The following ANKS1B variants were observed in gnomAD, a reference collection of about 807,000 sequenced individuals.
ANKS1B encodes the protein ankyrin repeat and sterile alpha motif domain containing 1B, also known as ankyrin repeat and sterile alpha motif domain-containing protein 1B.
Under a neutral mutation model 148.3 loss-of-function variants are expected in ANKS1B, and 36 were observed. The ratio of observed to expected loss-of-function variants is 0.24; its 90% CI spans 0.19 to 0.32. The LOEUF (loss-of-function observed/expected upper bound fraction) is 0.32, where lower values mean the gene tolerates loss of function less well. Ranked by LOEUF, ANKS1B falls within the 10% of genes least tolerant of loss-of-function variation. The pLI is 1.00. For missense variants in ANKS1B, 1,157 were observed against 1,542.6 expected, an observed-to-expected ratio of 0.75 and a Z score of 4.19; for synonymous variants, 542 against 560.8, an observed-to-expected ratio of 0.97 and a Z score of 0.47.
intron 17 of ANKS1B, among the ~76,000 whole-genome samples, chr12:99,015,503 C>G (rs1404871649): frequency 6.6e-6 from 1 of 152,078 alleles, no homozygotes; most frequent in Non-Finnish European, 1.5e-5. Flanking sequence ...ACTTGTACCC[C>G]TGAGTGTAAA....
At chr12:99,715,513 G>A (rs532749636) in intron 8 of ANKS1B, among the ~76,000 whole-genome samples, 19 of 152,124 alleles carry the variant, frequency 1.2e-4, no homozygotes, top group Non-Finnish European at 2.5e-4. Flanking sequence ...GACTCAGCCC[G>A]CCTGCACCCA....
chr12:98,808,144 T>C (rs2099065361), intron 19 of ANKS1B, among the ~76,000 whole-genome samples: 1 of 152,234 alleles, frequency 6.6e-6, no homozygotes, highest in South Asian at 2.1e-4. Flanking sequence ...TATGCATTTA[T>C]GCAAGGAAAA....
chr12:98,867,179 C>T (rs191310006), intron 17 of ANKS1B, among the ~76,000 whole-genome samples: 48 of 152,242 alleles, frequency 3.2e-4, no homozygotes, highest in Admixed American at 3.1e-3. Context: ...TTGTGCTGCT[C>T]CAGTGACTAT....
At chr12:99,372,286 AAG>A (rs1251072282) in intron 12 of ANKS1B, among the ~76,000 whole-genome samples, 1 of 152,022 alleles carries the variant, frequency 6.6e-6, no homozygotes, top group African/African-American at 2.4e-5. Context: ...TGAACCTAAA[AAG>A]AAAAAATATG....
At chr12:99,318,081 G>T (rs148560495) in intron 12 of ANKS1B, among the ~76,000 whole-genome samples, 397 of 152,168 alleles carry the variant, frequency 2.6e-3, no homozygotes, top group African/African-American at 9.1e-3. Context: ...ATTTTATTGA[G>T]GATTTTTACA....
rs538653379 is a variant in ANKS1B at position 99,901,208 on chromosome 12, G to GGAAT, written c.135-75823_135-75820dup. Among the ~76,000 whole-genome samples the GGAAT allele has an allele frequency of 1.1e-4, 16 of 152,160 alleles. No individual in the cohort carries two copies. The East Asian group carries it at 2.5e-3, about 24-fold the overall frequency. The stretch of plus-strand genomic sequence containing the variant: ...TACTATATAAACTAGACACAGTTTT[G>GGAAT]GAATGAATGAATGAAGACTCATTTA... On this transcript the variant is annotated intron_variant, in intron 1 of 26. Transcript: ENST00000683438.
intron 13 of ANKS1B, among the ~76,000 whole-genome samples, chr12:99,245,167 T>C (rs2090050027): frequency 1.3e-5 from 2 of 152,302 alleles, no homozygotes; most frequent in South Asian, 4.1e-4. Context: ...GAGCAAGTTC[T>C]AACCAAATGG....
intron 19 of ANKS1B, among the ~76,000 whole-genome samples, chr12:98,822,160 A>G (rs1057396635): frequency 6.6e-6 from 1 of 152,082 alleles, no homozygotes; most frequent in Non-Finnish European, 1.5e-5. Context: ...TGTTACTTAC[A>G]TGCATCTGGA....
chr12:98,964,893 A>G (rs10128939), intron 17 of ANKS1B, among the ~76,000 whole-genome samples: 3,304 of 152,304 alleles, frequency 0.022, 129 homozygotes, highest in African/African-American at 0.068. Flanking sequence ...ATTTAGAATT[A>G]ATAAGATCTA....
Position 99,763,980 on chromosome 12 carries a change from C to T in ANKS1B, c.1128+8942G>A, listed in dbSNP as rs578081235. Among the ~76,000 whole-genome samples the T allele has an allele frequency of 3.3e-5, 5 of 152,214 alleles. No homozygotes were observed. The East Asian group carries it at 9.7e-4, about 29-fold the overall frequency. On this transcript the variant is annotated intron_variant, in intron 8 of 26. Transcript: ENST00000683438. ...GTTTACAGGGGTATTTTATTTCATC[C>T]TCAAAGAAACTGGCGAGGTATTCAT...
At chr12:99,016,395 C>G (rs890020470) in intron 17 of ANKS1B, among the ~76,000 whole-genome samples, 1 of 152,194 alleles carries the variant, frequency 6.6e-6, no homozygotes, top group Non-Finnish European at 1.5e-5. Context: ...GTGGCTCATG[C>G]CTGTAATCCC....
At chr12:99,216,354 A>G (rs754332974) in intron 14 of ANKS1B, among the ~76,000 whole-genome samples, 5 of 152,222 alleles carry the variant, frequency 3.3e-5, no homozygotes, top group Non-Finnish European at 5.9e-5. Context: ...CAAGGTCTTA[A>G]TGAGAGAATA....
chr12:99,727,859 T>C (rs886066727), intron 8 of ANKS1B, among the ~76,000 whole-genome samples: 1 of 152,140 alleles, frequency 6.6e-6, no homozygotes, highest in African/African-American at 2.4e-5. Context: ...ATCTGATCTT[T>C]GACAAACCTG....
chr12:98,970,136 A>G (rs1235476750), intron 17 of ANKS1B, among the ~76,000 whole-genome samples: 1 of 151,832 alleles, frequency 6.6e-6, no homozygotes, highest in Non-Finnish European at 1.5e-5. Context: ...ACTGGGCACA[A>G]CTCTTCTCAA....
At chr12:99,310,246 A>G (rs1380675615) in intron 12 of ANKS1B, among the ~76,000 whole-genome samples, 1 of 152,202 alleles carries the variant, frequency 6.6e-6, no homozygotes, top group Non-Finnish European at 1.5e-5. Flanking sequence ...TTACTGGGAT[A>G]TCACATAACT....
intron 9 of ANKS1B, chr12:98,735,741 C>A: frequency 1.9e-6 from 1 of 534,328 alleles, no homozygotes; most frequent in Non-Finnish European, 3.5e-6. Context: ...GTATTGGGAA[C>A]ACAGGAGTGA....
chr12:99,682,638 C>T (rs1025123217), intron 8 of ANKS1B, among the ~76,000 whole-genome samples: 2 of 152,086 alleles, frequency 1.3e-5, no homozygotes, highest in Admixed American at 1.3e-4. Context: ...GCATTAAATG[C>T]CTACATCAAA....
intron 17 of ANKS1B, among the ~76,000 whole-genome samples, chr12:98,958,520 C>A (rs566902567): frequency 6.6e-6 from 1 of 152,304 alleles, no homozygotes; most frequent in Admixed American, 6.5e-5. Context: ...GTAGGATGAA[C>A]CTTCCATGAC....
chr12:99,289,019 A>G (rs936028715), intron 12 of ANKS1B, among the ~76,000 whole-genome samples: 4 of 152,030 alleles, frequency 2.6e-5, no homozygotes, highest in African/African-American at 4.8e-5. Flanking sequence ...CATTTCACCT[A>G]TAAAAACATT....
Sources: allele counts gnomAD v4.1 joint callset (sites outside exome capture counted in the v4.1 genomes callset), GRCh38; gene constraint gnomAD v4.1.1; transcripts MANE v1.5; gene names NCBI Gene and HGNC (gene_info 2026-07-23, HGNC 2026-07-21).